EPSTI1: variants seen among roughly 807,000 people sequenced by gnomAD.
EPSTI1 encodes the protein epithelial-stromal interaction protein 1.
EPSTI1 carries 66 observed loss-of-function variants against 49.9 expected under a neutral mutation model. That is an observed-to-expected ratio of 1.32 (90% CI 1.08 to 1.62). The LOEUF (loss-of-function observed/expected upper bound fraction) is 1.62, where lower values mean the gene tolerates loss of function less well. Ranked by LOEUF, EPSTI1 falls within the 40% of genes most tolerant of loss-of-function variation. EPSTI1 has a pLI of 0.00. For synonymous variants in EPSTI1, 137 were observed against 130.7 expected (o/e 1.05, Z -0.33); for missense variants, 394 against 365.5 (o/e 1.08, Z -0.64).
chr13:42,930,412 C>T (rs2038323083), intron 6 of EPSTI1, among the ~76,000 whole-genome samples: 1 of 152,188 alleles, frequency 6.6e-6, no homozygotes, highest in East Asian at 1.9e-4. Flanking sequence ...GTCAGTTTCA[C>T]ATAACTGGGT....
Position 42,917,639 on chromosome 13 carries a change from A to ACAC in EPSTI1, c.658-16_658-15insGTG. On this transcript the variant is annotated splice_polypyrimidine_tract_variant and intron_variant, in intron 7 of 10. Transcript: ENST00000313624. ...CAGCTTCTGGCCTGTAAAGGTACAA[A>ACAC]GAGAAAAAAAAAAAAAAAAACAACT... The ACAC allele has an allele frequency of 1.2e-5, 14 of 1,133,160 alleles. No individual in the cohort carries two copies. Among genetic ancestry groups the ACAC allele is most frequent in the Non-Finnish European group, 1.7e-5 (14 of 817,562 alleles). 70.2% of individuals were successfully genotyped at this position (1,133,160 alleles called of 1,614,324 possible).
rs577724575 is a variant in EPSTI1 at position 42,972,306 on chromosome 13, T to C, written c.189-1636A>G. Reference sequence around the variant, plus strand: ...GCTTGTCCGCGAGCTTGAGAGTTTCTAATTCAGTAGCCTGCGACTGGGTCA... The same window carrying C: ...GCTTGTCCGCGAGCTTGAGAGTTTCCAATTCAGTAGCCTGCGACTGGGTCA... On this transcript the variant is annotated intron_variant, in intron 1 of 10. Transcript: ENST00000313624. Among the ~76,000 whole-genome samples the C allele has an allele frequency of 7.9e-5, 12 of 152,372 alleles. No individual in the cohort carries two copies. The South Asian group carries it at 1.7e-3, about 21-fold the overall frequency.
At chr13:42,986,576 C>G (rs368712545) in intron 1 of EPSTI1, among the ~76,000 whole-genome samples, 3 of 152,036 alleles carry the variant, frequency 2.0e-5, no homozygotes, top group Non-Finnish European at 2.9e-5. Flanking sequence ...AACCTCGTTT[C>G]TACTAAAAAT....
At position 42,922,424 on chromosome 13, in the gene EPSTI1, G is replaced by A. The variant is rs2038033695; in HGVS notation, c.657+3912C>T. Among the ~76,000 whole-genome samples, 1 of 152,172 alleles carries A rather than the reference G, an allele frequency of 6.6e-6. No homozygotes were observed. The highest frequency in any genetic ancestry group is 2.1e-4 in the South Asian group (1 of 4,816). On this transcript the variant is annotated intron_variant, in intron 7 of 10. Transcript: ENST00000313624. This position sits in a 1 kb window ranked among gnomAD's most constrained non-coding sequence, Gnocchi z 4.8. The stretch of plus-strand genomic sequence containing the variant: ...CAGAAAGGTCAGGGAGGGTGCAGAA[G>A]GTTGGGTGAGATGGAAGCTAAACTG...
At chr13:42,926,022 T>TGGAAGGAAGGAAGGAAGGAA (rs2038160183) in intron 7 of EPSTI1, among the ~76,000 whole-genome samples, 2 of 9,746 alleles carry the variant, frequency 2.1e-4, no homozygotes, top group African/African-American at 7.8e-4. Flanking sequence ...GATGGATGCA[T>TGGAAGGAAGGAAGGAAGGAA]GGATGGAAGG....
At chr13:42,966,738 A>T (rs1295988167) in intron 3 of EPSTI1, among the ~76,000 whole-genome samples, 1 of 88,756 alleles carries the variant, frequency 1.1e-5, no homozygotes, top group African/African-American at 3.4e-5. Context: ...CCGGGAGGTG[A>T]GGGGCGCCTC....
chr13:42,929,843 G>A (rs2038304852), intron 6 of EPSTI1, among the ~76,000 whole-genome samples: 1 of 152,218 alleles, frequency 6.6e-6, no homozygotes, highest in Admixed American at 6.5e-5. Flanking sequence ...CACAGACTAT[G>A]GTGGTGTTTA....
At chr13:42,900,692 T>C (rs9594829) in intron 8 of EPSTI1, among the ~76,000 whole-genome samples, 41,578 of 151,736 alleles carry the variant, frequency 0.27, 7,166 homozygotes, top group Non-Finnish European at 0.39. Flanking sequence ...AACTCATCTA[T>C]GTCTTACAGA....
chr13:42,917,289 T>G (rs921479337), intron 8 of EPSTI1, among the ~76,000 whole-genome samples: 2 of 152,190 alleles, frequency 1.3e-5, no homozygotes, highest in Non-Finnish European at 2.9e-5. Flanking sequence ...ATCATCTTCT[T>G]GGTGACCTAC....
chr13:42,941,919 T>C (rs2038764575), intron 6 of EPSTI1, among the ~76,000 whole-genome samples: 1 of 152,150 alleles, frequency 6.6e-6, no homozygotes, highest in Admixed American at 6.5e-5. Flanking sequence ...TTTACAGAGT[T>C]TTTTGGTTCA....
intron 9 of EPSTI1, among the ~76,000 whole-genome samples, chr13:42,899,109 A>T (rs1392733192): frequency 1.3e-5 from 2 of 151,726 alleles, no homozygotes; most frequent in Admixed American, 1.3e-4. Context: ...GAGGCAGGAG[A>T]GTCACTTGAA....
At position 42,953,953 on chromosome 13, in the gene EPSTI1, C is replaced by A; in HGVS notation, c.558G>T (p.Gln186His). 3.1e-6 allele frequency: 5 copies of A among 1,612,302 alleles called. No homozygotes were observed. The highest frequency in any genetic ancestry group is 4.2e-6 in the Non-Finnish European group (5 of 1,179,548). ...NLRREAFREH[Q>H]QYKTAEFLSK... ...TTCTGAAAACATTAACTTACTATTG[C>A]TGATGCTCTCTAAATGCTTCTCTTC... Residue 186 changes from glutamine (Q) to histidine (H), a missense_variant, in exon 6 of 11, where the codon CAG becomes CAT. Gln to His is a conservative substitution (Grantham distance 24). Coordinates refer to ENST00000313624, the MANE Select transcript of EPSTI1 (RefSeq NM_033255.5).
intron 10 of EPSTI1, among the ~76,000 whole-genome samples, chr13:42,891,333 G>A (rs758345685): frequency 6.6e-6 from 1 of 152,046 alleles, no homozygotes; most frequent in Non-Finnish European, 1.5e-5. Context: ...ATAGAATTTG[G>A]CTCTAATATG....
At chr13:42,986,588 C>CA (rs923759301) in intron 1 of EPSTI1, among the ~76,000 whole-genome samples, 21 of 151,614 alleles carry the variant, frequency 1.4e-4, no homozygotes, top group African/African-American at 4.8e-4. Context: ...ACTAAAAATA[C>CA]AAAAAAATTA....
intron 5 of EPSTI1, among the ~76,000 whole-genome samples, chr13:42,959,620 A>T (rs1261575540): frequency 6.6e-6 from 1 of 152,214 alleles, no homozygotes; most frequent in Non-Finnish European, 1.5e-5. Flanking sequence ...GTATAGCATT[A>T]AAACTAACTG....
At chr13:42,949,152 T>A (rs534215556) in intron 6 of EPSTI1, among the ~76,000 whole-genome samples, 1 of 152,306 alleles carries the variant, frequency 6.6e-6, no homozygotes, top group South Asian at 2.1e-4. Context: ...CCCCAAAATA[T>A]ATTTCTTTGG....
At chr13:42,980,982 A>G (rs1239774597) in intron 1 of EPSTI1, among the ~76,000 whole-genome samples, 1 of 152,258 alleles carries the variant, frequency 6.6e-6, no homozygotes, top group African/African-American at 2.4e-5. Context: ...ATTAGGTAGC[A>G]TAGGTTTCTG....
intron 8 of EPSTI1, 134 bp from the exon 9 acceptor site, chr13:42,900,517 G>T: frequency 1.2e-6 from 1 of 803,246 alleles, no homozygotes; most frequent in Non-Finnish European, 2.0e-6. Flanking sequence ...AGTACTATTT[G>T]GATGTGAAAT....
chr13:42,910,116 TTTAA>T (rs1319728486), intron 8 of EPSTI1, among the ~76,000 whole-genome samples: 1 of 152,166 alleles, frequency 6.6e-6, no homozygotes, highest in Non-Finnish European at 1.5e-5. Flanking sequence ...CAGGAAAGTT[TTTAA>T]TTTTTTTTAG....
Sources: allele counts gnomAD v4.1 joint callset (sites outside exome capture counted in the v4.1 genomes callset), GRCh38; gene constraint gnomAD v4.1.1; non-coding constraint Gnocchi (gnomAD v3.1); transcripts MANE v1.5; gene names NCBI Gene and HGNC (gene_info 2026-07-23, HGNC 2026-07-21).